The following MED29 variants were observed in gnomAD, a reference collection of about 807,000 sequenced individuals.
The protein encoded by MED29 is mediator of RNA polymerase II transcription subunit 29.
Under a neutral mutation model 22.0 loss-of-function variants are expected in MED29, and 14 were observed. The ratio of observed to expected loss-of-function variants is 0.64; its 90% CI spans 0.42 to 0.99. The LOEUF is 0.99. Among genes scored for constraint, MED29 ranks in the 50% least tolerant of loss-of-function variants. The pLI, the probability that MED29 is intolerant of heterozygous loss-of-function variation, is 0.00. For missense variants in MED29, 241 were observed against 253.7 expected (o/e 0.95, Z 0.34); for synonymous variants, 123 against 107.8 (o/e 1.14, Z -0.87).
chr19:39,392,428 T>C (rs1187807801), intron 1 of MED29, 36 bp from the exon 2 acceptor site: 1 of 1,530,492 alleles, frequency 6.5e-7, no homozygotes, highest in Admixed American at 1.9e-5. Flanking sequence ...CTTTTGTTTT[T>C]CCATTTCCCA....
chr19:39,395,918 A>G (rs1203215846), intron 3 of MED29, among the ~76,000 whole-genome samples: 2 of 148,798 alleles, frequency 1.3e-5, no homozygotes, highest in East Asian at 2.0e-4. Flanking sequence ...CTCCGTCTCA[A>G]AAAAAAAAAA....
chr19:39,396,449 G>A (rs1028804407), intron 3 of MED29, among the ~76,000 whole-genome samples: 4 of 149,564 alleles, frequency 2.7e-5, no homozygotes, highest in African/African-American at 9.9e-5. Flanking sequence ...AAAAGGGGCC[G>A]GGCACAAGTG....
In MED29 at chr19:39,398,073, G is replaced by A. The variant is rs958762347; in HGVS notation, c.*374G>A. 5 of 451,712 alleles carry A rather than the reference G, an allele frequency of 1.1e-5. No homozygotes were observed. Among genetic ancestry groups the A allele is most frequent in the Middle Eastern group, 1.1e-3 (2 of 1,766 alleles). The allele number at this position is 451,712 out of a possible 1,614,324, so 28.0% of individuals were successfully genotyped here. A position where few individuals can be genotyped will look rare whatever the true frequency, so the allele number is the denominator to read the frequency against. Reference sequence around the variant, plus strand: ...GCCACTCCTCTGTGTCTCTATTACAGTTGTGTCTCTCTCATCCTGTCTCTT... The same window carrying A: ...GCCACTCCTCTGTGTCTCTATTACAATTGTGTCTCTCTCATCCTGTCTCTT... On this transcript the variant is annotated 3_prime_UTR_variant, in exon 4 of 4. Coordinates refer to ENST00000315588, the MANE Select transcript of MED29 (RefSeq NM_017592.4).
chr19:39,393,604 C>A lies in MED29; in HGVS notation c.327C>A (p.Phe109Leu). 1 of 1,614,150 alleles carries A rather than the reference C, an allele frequency of 6.2e-7. No individual in the cohort carries two copies. Among genetic ancestry groups the A allele is most frequent in the Non-Finnish European group, 8.5e-7 (1 of 1,179,994 alleles). Reference protein sequence around the residue: ...IQRFDKCLEEFYALCDQLELC... With the variant: ...IQRFDKCLEELYALCDQLELC... ...GCTTTGACAAGTGCCTGGAAGAGTT[C>A]TATGCACTCTGTGACCAGCTGGAGC... The change falls in exon 3 of 4, where the codon TTC becomes TTA. Residue 109 changes from phenylalanine to leucine, a missense_variant. By Grantham distance (22) the Phe-to-Leu change is conservative (BLOSUM62 0). Transcript: ENST00000315588.
chr19:39,396,919 T>G (rs2078431708), intron 3 of MED29, among the ~76,000 whole-genome samples: 1 of 150,896 alleles, frequency 6.6e-6, no homozygotes, highest in African/African-American at 2.4e-5. Context: ...TCCCAGCTAC[T>G]CGGGAGGCTG....
chr19:39,394,873 TC>T (rs537200474), intron 3 of MED29, among the ~76,000 whole-genome samples: 370 of 151,104 alleles, frequency 2.4e-3, no homozygotes, highest in Non-Finnish European at 4.0e-3. Context: ...TTTTTTTTTT[TC>T]CTCCAAGTCA....
intron 1 of MED29, among the ~76,000 whole-genome samples, chr19:39,392,237 AC>A (rs968195364): frequency 7.9e-5 from 12 of 151,536 alleles, no homozygotes; most frequent in African/African-American, 2.9e-4. Flanking sequence ...GTGAGGGAGG[AC>A]CCTTAGGTTA....
At position 39,398,909 on chromosome 19, in the gene MED29, A is replaced by C. The variant is rs946593189; in HGVS notation, c.*1210A>C. 6.6e-6 allele frequency: 1 copy of C among 152,206 alleles called. No homozygotes were observed. Among genetic ancestry groups the C allele is most frequent in the African/African-American group, 2.4e-5 (1 of 41,436 alleles). 9.4% of individuals were successfully genotyped at this position (152,206 alleles called of 1,614,324 possible). A position where few individuals can be genotyped will look rare whatever the true frequency, so the allele number is the denominator to read the frequency against. On this transcript the variant is annotated 3_prime_UTR_variant, in exon 4 of 4. Coordinates refer to ENST00000315588, the MANE Select transcript of MED29 (RefSeq NM_017592.4). ...ACCTCTGTGATTCACGCTGAGCCCA[A>C]GTCCCCACACTGGAAAACTGGGAAA...
chr19:39,392,046 TA>T (rs1447266795), intron 1 of MED29, among the ~76,000 whole-genome samples: 3 of 152,058 alleles, frequency 2.0e-5, no homozygotes, highest in African/African-American at 7.3e-5. Flanking sequence ...AATAAATAAA[TA>T]AAACTGTTGT....
At chr19:39,394,778 G>A (rs945169089) in intron 3 of MED29, among the ~76,000 whole-genome samples, 8 of 150,890 alleles carry the variant, frequency 5.3e-5, no homozygotes, top group Non-Finnish European at 7.4e-5. Flanking sequence ...TGGCCAGGAT[G>A]GTCTTGATCT....
Position 39,398,600 on chromosome 19 carries a change from G to A in MED29, c.*901G>A, listed in dbSNP as rs1462536095. ...ACCCAGGCGCCTGAGCCCCAGCTCCGGGAAGCAGGCACTGGGGAGGGGGCT... is the reference window on the plus strand; with the variant it reads ...ACCCAGGCGCCTGAGCCCCAGCTCCAGGAAGCAGGCACTGGGGAGGGGGCT... On this transcript the variant is annotated 3_prime_UTR_variant, in exon 4 of 4. Transcript: ENST00000315588. 1 of 152,610 alleles carries A rather than the reference G, an allele frequency of 6.6e-6. No individual in the cohort carries two copies. The highest frequency in any genetic ancestry group is 2.4e-5 in the African/African-American group (1 of 41,450). 9.5% of individuals were successfully genotyped at this position (152,610 alleles called of 1,614,324 possible). A position where few individuals can be genotyped will look rare whatever the true frequency, so the allele number is the denominator to read the frequency against.
At chr19:39,391,922 A>G (rs1485714370) in intron 1 of MED29, among the ~76,000 whole-genome samples, 6 of 152,066 alleles carry the variant, frequency 3.9e-5, no homozygotes, top group African/African-American at 1.4e-4. Context: ...CTACTCGGGA[A>G]GCTGAGGCAG....
intron 2 of MED29, among the ~76,000 whole-genome samples, chr19:39,393,305 A>G (rs1241352515): frequency 2.0e-5 from 3 of 151,780 alleles, no homozygotes; most frequent in Non-Finnish European, 4.4e-5. Context: ...CATGTTGTCC[A>G]GGCTGGTCTT....
rs148085889 is a variant in MED29 at position 39,391,451 on chromosome 19, C to G, written c.29C>G (p.Ala10Gly). The G allele has an allele frequency of 9.9e-6, 16 of 1,613,366 alleles. No homozygotes were observed. The highest frequency in any genetic ancestry group is 1.4e-5 in the Non-Finnish European group (16 of 1,179,608). ...GCTGCATCCCAGCAGCAAGCTTCAG[C>G]GGCTTCCTCAGCTGCTGGTGTATCG... MAASQQQAS[A>G]ASSAAGVSGP... Residue 10 changes from alanine to glycine, a missense_variant, in exon 1 of 4, where the codon GCG (alanine) becomes GGG (glycine). By Grantham distance (60) the Ala-to-Gly change is moderately conservative. Coordinates refer to ENST00000315588, the MANE Select transcript of MED29 (RefSeq NM_017592.4).
rs1246368431 is a variant in MED29, at chr19:39,393,072, CTTTCTTTTCTTTTTTTTTTTT to C, written c.276-477_276-457del. ...GCCTTTTCCTTTTCTTTCTTTCTTTCTTTCTTTTCTTTTTTTTTTTTTTTTTTTTTTTTTTTTTTTTGAGAC... is the reference window on the plus strand; with the variant it reads ...GCCTTTTCCTTTTCTTTCTTTCTTTCTTTTTTTTTTTTTTTTTTTTGAGAC... On this transcript the variant is annotated intron_variant, in intron 2 of 3. Transcript: ENST00000315588. Among the ~76,000 whole-genome samples the C allele has an allele frequency of 5.0e-3, 427 of 86,130 alleles. 7 individuals are homozygous for C. Among genetic ancestry groups the C allele is most frequent in the Non-Finnish European group, 6.5e-3 (287 of 44,232 alleles). The allele number at this position is 86,130 out of a possible 152,430, so 56.5% of individuals were successfully genotyped here. A position where few individuals can be genotyped will look rare whatever the true frequency, so the allele number is the denominator to read the frequency against.
chr19:39,397,982 A>G lies in MED29; in HGVS notation c.*283A>G, dbSNP rs2078439475. ...CTCCCCCATTCTTGCCTGGGTGTGGAGCCCTGGCTGTCCCCTCTCCCTCAG... is the reference window on the plus strand; with the variant it reads ...CTCCCCCATTCTTGCCTGGGTGTGGGGCCCTGGCTGTCCCCTCTCCCTCAG... On this transcript the variant is annotated 3_prime_UTR_variant, in exon 4 of 4. Transcript: ENST00000315588. 3 of 557,808 alleles carry G rather than the reference A, an allele frequency of 5.4e-6. No homozygotes were observed. The highest frequency in any genetic ancestry group is 9.5e-6 in the Non-Finnish European group (3 of 315,972). 34.6% of individuals were successfully genotyped at this position (557,808 alleles called of 1,614,324 possible).
In MED29 at chr19:39,397,716, T is replaced by C. The variant is rs1600627994; in HGVS notation, c.*17T>C. On this transcript the variant is annotated 3_prime_UTR_variant, in exon 4 of 4. Coordinates refer to ENST00000315588, the MANE Select transcript of MED29 (RefSeq NM_017592.4). ...ACTCTGTGAAGTGGGGGACAGGGAG[T>C]GGGGCAGGCAGTGGTTGGTGGGTGG... The C allele has an allele frequency of 6.2e-7, 1 of 1,601,244 alleles. No individual in the cohort carries two copies. Among genetic ancestry groups the C allele is most frequent in the East Asian group, 2.2e-5 (1 of 44,724 alleles).
chr19:39,397,507 T>TC lies in MED29; in HGVS notation c.413dup (p.Thr139AsnfsTer15). On this transcript the variant is annotated frameshift_variant, in exon 4 of 4. Transcript: ENST00000315588. LOFTEE classifies it high-confidence loss of function. ...AGAGTTGTGACAGTGCCAAGCACTC[T>TC]CCAACGTTGGTGCCCACAGCCACCA... The TC allele has an allele frequency of 1.2e-6, 2 of 1,611,488 alleles. No homozygotes were observed. Among genetic ancestry groups the TC allele is most frequent in the Non-Finnish European group, 1.7e-6 (2 of 1,179,994 alleles).
intron 2 of MED29, 83 bp from the exon 3 acceptor site, chr19:39,393,470 T>C: frequency 7.8e-7 from 1 of 1,275,446 alleles, no homozygotes; most frequent in East Asian, 2.3e-5. Flanking sequence ...CCTGGTTTCC[T>C]GATGGACACT....
Sources: gnomAD v4.1 joint callset for allele counts (sites outside exome capture counted in the v4.1 genomes callset) on GRCh38, gnomAD v4.1.1 for gene constraint, MANE v1.5 for transcripts, NCBI Gene and HGNC (gene_info 2026-07-23, HGNC 2026-07-21) for gene names.